STEAP3: variants seen among roughly 807,000 people sequenced by gnomAD.
STEAP3 encodes the protein STEAP3 metalloreductase.
STEAP3 carries 35 observed loss-of-function variants against 34.9 expected under a neutral mutation model. The observed-to-expected ratio is 1.00, with a 90% CI of 0.76 to 1.33. The LOEUF is 1.33. STEAP3 is among the 40% of genes most tolerant of loss of function. The pLI is 0.00. For synonymous variants in STEAP3, 281 were observed against 301.6 expected, an observed-to-expected ratio of 0.93 and a Z score of 0.71; for missense variants, 652 against 667.6, an observed-to-expected ratio of 0.98 and a Z score of 0.26.
intron 1 of STEAP3, among the ~76,000 whole-genome samples, chr2:119,224,772 A>G (rs1177329832): frequency 1.3e-5 from 2 of 152,196 alleles, no homozygotes; most frequent in African/African-American, 2.4e-5. Context: ...GAGTGCAGCC[A>G]TAATATAATT....
At position 119,263,577 on chromosome 2, in the gene STEAP3, T is replaced by A; in HGVS notation, c.*239T>A. 1.7e-6 allele frequency: 1 copy of A among 604,678 alleles called. No individual in the cohort carries two copies. Among genetic ancestry groups the A allele is most frequent in the Non-Finnish European group, 2.9e-6 (1 of 347,072 alleles). The allele number at this position is 604,678 out of a possible 1,614,324, so 37.5% of individuals were successfully genotyped here. On this transcript the variant is annotated 3_prime_UTR_variant, in exon 6 of 6. Coordinates refer to ENST00000393110, the MANE Select transcript of STEAP3 (RefSeq NM_182915.3). ...GGATTTGCAATTATACATAGCTAGC[T>A]AAAAAGTTGGGTCTCTGAGATTTCA...
rs1483598265 is a variant in STEAP3, at chr2:119,245,603, G to C, written c.137G>C (p.Ser46Thr). ...DEAPKVGILG[S>T]GDFARSLATR... ...GCCCCCAAAGTGGGCATCCTGGGTAGCGGGGACTTTGCCCGCTCCCTGGCC... is the reference window on the plus strand; with the variant it reads ...GCCCCCAAAGTGGGCATCCTGGGTACCGGGGACTTTGCCCGCTCCCTGGCC... Residue 46 changes from serine to threonine, a missense_variant, in exon 3 of 6, where the codon AGC becomes ACC. Coordinates refer to ENST00000393110, the MANE Select transcript of STEAP3 (RefSeq NM_182915.3). 1.2e-6 allele frequency: 2 copies of C among 1,609,108 alleles called. No individual in the cohort carries two copies. The highest frequency in any genetic ancestry group is 2.7e-5 in the African/African-American group (2 of 74,842).
chr2:119,230,449 C>T (rs1676890352), intron 1 of STEAP3, among the ~76,000 whole-genome samples, 171 bp from the exon 2 acceptor site: 1 of 152,190 alleles, frequency 6.6e-6, no homozygotes, highest in African/African-American at 2.4e-5. Context: ...GCACCAAATG[C>T]TGACAGCATT....
intron 3 of STEAP3, 98 bp from the exon 4 acceptor site, chr2:119,247,581 C>T: frequency 7.4e-7 from 1 of 1,360,504 alleles, no homozygotes; most frequent in Non-Finnish European, 9.7e-7. Context: ...GAACAAGTCC[C>T]TGCCCCTCTG....
intron 1 of STEAP3, among the ~76,000 whole-genome samples, chr2:119,227,085 GTGT>G (rs1679063490): frequency 6.6e-6 from 1 of 152,190 alleles, no homozygotes; most frequent in Non-Finnish European, 1.5e-5. Flanking sequence ...GGCAGGATGA[GTGT>G]TGTTGTCATC....
chr2:119,245,174 G>C, intron 2 of STEAP3: 1 of 375,768 alleles, frequency 2.7e-6, no homozygotes, highest in South Asian at 5.4e-5. Context: ...GCATCACATT[G>C]GTCATGGAAA....
chr2:119,236,745 G>A (rs550440855), intron 2 of STEAP3, among the ~76,000 whole-genome samples: 13 of 152,308 alleles, frequency 8.5e-5, no homozygotes, highest in African/African-American at 2.4e-4. Flanking sequence ...TGGGTGAGCA[G>A]CAGACGGTGC....
chr2:119,235,408 G>A (rs1467450611), intron 2 of STEAP3, among the ~76,000 whole-genome samples: 1 of 152,106 alleles, frequency 6.6e-6, no homozygotes, highest in East Asian at 1.9e-4. Flanking sequence ...CAACTGTAAA[G>A]ACCCAGGGAA....
chr2:119,255,504 C>T (rs978036428), intron 5 of STEAP3, among the ~76,000 whole-genome samples: 7 of 152,146 alleles, frequency 4.6e-5, no homozygotes, highest in Non-Finnish European at 1.0e-4. Context: ...ATCAAAGATT[C>T]GAATAACATC....
chr2:119,233,518 A>C (rs144415030), intron 2 of STEAP3, among the ~76,000 whole-genome samples: 1 of 152,204 alleles, frequency 6.6e-6, no homozygotes, highest in Non-Finnish European at 1.5e-5. Context: ...GAGAACAGCT[A>C]TGACTCACAA....
In STEAP3 at chr2:119,245,744, C is replaced by T. The variant is rs756725890; in HGVS notation, c.278C>T (p.Ser93Phe). The T allele has an allele frequency of 3.1e-6, 5 of 1,614,078 alleles. No homozygotes were observed. In the African/African-American group the frequency reaches 5.3e-5, roughly 17 times the overall value. ...QVTFQEEAVS[S>F]PEVIFVAVFR... The stretch of plus-strand genomic sequence containing the variant: ...ACTTTCCAAGAGGAGGCAGTGAGCT[C>T]CCCGGAGGTCATCTTTGTGGCTGTG... The change falls in exon 3 of 6, where the codon TCC becomes TTC. Residue 93 changes from serine to phenylalanine, a missense_variant. Coordinates refer to ENST00000393110, the MANE Select transcript of STEAP3 (RefSeq NM_182915.3).
intron 2 of STEAP3, among the ~76,000 whole-genome samples, chr2:119,231,869 A>G (rs1262988479): frequency 6.6e-6 from 1 of 152,162 alleles, no homozygotes; most frequent in Non-Finnish European, 1.5e-5. Context: ...GTGTGGCTAT[A>G]AGTGAGCTTT....
Position 119,229,211 on chromosome 2 carries a change from C to T in STEAP3, c.-393-1409C>T, listed in dbSNP as rs908384537. Among the ~76,000 whole-genome samples the T allele has an allele frequency of 8.5e-5, 13 of 152,214 alleles. 1 individual carries two copies. The highest frequency in any genetic ancestry group is 6.4e-3 in the Middle Eastern group (2 of 314). On this transcript the variant is annotated intron_variant, in intron 1 of 5. Coordinates refer to ENST00000393110, the MANE Select transcript of STEAP3 (RefSeq NM_182915.3). ...AGGCTGGAGTACAGTGGTGCCATCTCGGCTCACTGCAACCTCTGCCTCCCA... is the reference window on the plus strand; with the variant it reads ...AGGCTGGAGTACAGTGGTGCCATCTTGGCTCACTGCAACCTCTGCCTCCCA...
intron 5 of STEAP3, among the ~76,000 whole-genome samples, chr2:119,258,346 C>T (rs1407041230): frequency 1.3e-5 from 2 of 152,136 alleles, no homozygotes; most frequent in African/African-American, 4.8e-5. Flanking sequence ...CTGAGCCGAC[C>T]TCCTATGTCA....
intron 4 of STEAP3, among the ~76,000 whole-genome samples, chr2:119,252,090 C>T (rs1322777915): frequency 6.6e-6 from 1 of 152,168 alleles, no homozygotes; most frequent in Non-Finnish European, 1.5e-5. Context: ...CAATATCAGG[C>T]ATCTTAAGAG....
chr2:119,257,319 A>T, intron 5 of STEAP3: 1 of 1,117,654 alleles, frequency 8.9e-7, no homozygotes, highest in Non-Finnish European at 1.2e-6. Context: ...CCTGTCAAAT[A>T]GGCTGAAGCC....
intron 5 of STEAP3, among the ~76,000 whole-genome samples, chr2:119,255,077 G>T (rs1396504629): frequency 6.6e-6 from 1 of 152,190 alleles, no homozygotes; most frequent in Non-Finnish European, 1.5e-5. Flanking sequence ...ACACAGGCAT[G>T]TGAAAAAATT....
Position 119,245,947 on chromosome 2 carries a change from G to T in STEAP3, c.481G>T (p.Ala161Ser). Reference sequence around the variant, plus strand: ...GGTCAAGGCCTTCAATGTCATCTCTGCCTGGACCCTGCAGGCTGGCCCAAG... The same window carrying T: ...GGTCAAGGCCTTCAATGTCATCTCTTCCTGGACCCTGCAGGCTGGCCCAAG... ...TVVKAFNVIS[A>S]WTLQAGPRDG... The change falls in exon 3 of 6, where the codon GCC (alanine) becomes TCC (serine). Residue 161 changes from alanine to serine, a missense_variant. Ala to Ser is a moderately conservative substitution (Grantham distance 99). Coordinates refer to ENST00000393110, the MANE Select transcript of STEAP3 (RefSeq NM_182915.3). 6.2e-7 allele frequency: 1 copy of T among 1,613,794 alleles called. No individual in the cohort carries two copies. The highest frequency in any genetic ancestry group is 8.5e-7 in the Non-Finnish European group (1 of 1,180,016).
intron 4 of STEAP3, among the ~76,000 whole-genome samples, chr2:119,251,829 A>G (rs1173992664): frequency 6.6e-6 from 1 of 152,062 alleles, no homozygotes; most frequent in South Asian, 2.1e-4. Flanking sequence ...ACAGCTTGCA[A>G]ACTCCTATTC....
Sources: allele counts gnomAD v4.1 joint callset (sites outside exome capture counted in the v4.1 genomes callset), GRCh38; gene constraint gnomAD v4.1.1; transcripts MANE v1.5; gene names NCBI Gene and HGNC (gene_info 2026-07-23, HGNC 2026-07-21).